The following LDHAL6A variants were observed in gnomAD, a reference collection of about 807,000 sequenced individuals.
LDHAL6A encodes the protein lactate dehydrogenase A like 6A, also known as L-lactate dehydrogenase A-like 6A.
LDHAL6A carries 19 observed loss-of-function variants against 28.2 expected under a neutral mutation model. That is an observed-to-expected ratio of 0.67 (90% CI 0.47 to 0.99). The LOEUF (loss-of-function observed/expected upper bound fraction) is 0.99. LDHAL6A is among the 50% of genes least tolerant of loss of function. The pLI, the probability that LDHAL6A is intolerant of heterozygous loss-of-function variation, is 0.00. For synonymous variants in LDHAL6A, 144 were observed against 134.4 expected (o/e 1.07, Z -0.49); for missense variants, 372 against 398.6 (o/e 0.93, Z 0.57).
chr11:18,475,690 A>G, intron 4 of LDHAL6A, 51 bp downstream of exon 4: 3 of 1,481,518 alleles, frequency 2.0e-6, no homozygotes, highest in Non-Finnish European at 2.7e-6. Context: ...CCTATCAATC[A>G]TACAGACATT....
Position 18,464,996 on chromosome 11 carries a change from TG to T in LDHAL6A, c.245-640del, listed in dbSNP as rs201901748. ...TTTTTTGTTTTTTTTTGTTTTGTTT[TG>T]TTTTGGTTTGTTTTTGAGACAGTGT... On this transcript the variant is annotated intron_variant, in intron 2 of 6. Transcript: ENST00000280706. Among the ~76,000 whole-genome samples, 204 of 143,618 alleles carry T rather than the reference TG, an allele frequency of 1.4e-3. 2 individuals carry two copies. Among genetic ancestry groups the T allele is most frequent in the Middle Eastern group, 3.6e-3 (1 of 274 alleles). The allele number at this position is 143,618 out of a possible 152,430, so 94.2% of individuals were successfully genotyped here.
intron 1 of LDHAL6A, among the ~76,000 whole-genome samples, chr11:18,463,552 C>T (rs908339524): frequency 4.6e-5 from 7 of 152,122 alleles, no homozygotes; most frequent in African/African-American, 1.2e-4. Context: ...TCCTCTGTGC[C>T]AGGTGGATGA....
chr11:18,468,024 CGTATATATATAT>C (rs1849156601), intron 3 of LDHAL6A, among the ~76,000 whole-genome samples: 4 of 58,226 alleles, frequency 6.9e-5, no homozygotes, highest in African/African-American at 3.4e-4. Context: ...CATATATATA[CGTATATATATAT>C]ACATATATAT....
chr11:18,462,955 GT>G (rs36036511), intron 1 of LDHAL6A, among the ~76,000 whole-genome samples: 116,820 of 147,946 alleles, frequency 0.79, 46,175 homozygotes, highest in East Asian at 0.91. Flanking sequence ...TATTTCTAGT[GT>G]TTTTTTTTTT....
rs1849135868 is a variant in LDHAL6A, at chr11:18,467,956, CGTATATATAT to C, written c.418+2147_418+2156del. On this transcript the variant is annotated intron_variant, in intron 3 of 6. Coordinates refer to ENST00000280706, the MANE Select transcript of LDHAL6A (RefSeq NM_144972.5). ...ATATATACACACACATATATATATA[CGTATATATAT>C]ACGTATATATATACGTATATATATG... 7.9e-4 allele frequency among the ~76,000 whole-genome samples: 15 copies of C among 19,058 alleles called. No homozygotes were observed. In the East Asian group the frequency reaches 0.014, roughly 17 times the overall value. The allele number at this position is 19,058 out of a possible 152,430, so 12.5% of individuals were successfully genotyped here. A position where few individuals can be genotyped will look rare whatever the true frequency, so the allele number is the denominator to read the frequency against.
At chr11:18,477,490 T>G (rs917679851) in intron 5 of LDHAL6A, 130 bp from the exon 6 acceptor site, 4 of 793,722 alleles carry the variant, frequency 5.0e-6, no homozygotes, top group East Asian at 2.9e-5. Context: ...GCATACATAC[T>G]ACAAGTAATT....
rs534923331 is a variant in LDHAL6A at position 18,465,210 on chromosome 11, G to C, written c.245-427G>C. Among the ~76,000 whole-genome samples the C allele has an allele frequency of 1.2e-3, 181 of 151,716 alleles. 1 individual carries two copies. Among genetic ancestry groups the C allele is most frequent in the Non-Finnish European group, 2.0e-3 (137 of 67,890 alleles). On this transcript the variant is annotated intron_variant, in intron 2 of 6. Transcript: ENST00000280706. ...TGTCGTGGTGTGATCTTGGCTCACT[G>C]CCTCCATGTTCAAGTGATTCTCCTG...
At chr11:18,474,577 G>A (rs1033768230) in intron 3 of LDHAL6A, among the ~76,000 whole-genome samples, 4 of 151,982 alleles carry the variant, frequency 2.6e-5, no homozygotes, top group African/African-American at 9.7e-5. Flanking sequence ...AATAGAGACG[G>A]GGTTTCAGCA....
At chr11:18,461,654 G>A (rs1421245014) in intron 1 of LDHAL6A, among the ~76,000 whole-genome samples, 1 of 151,562 alleles carries the variant, frequency 6.6e-6, no homozygotes, top group African/African-American at 2.4e-5. Flanking sequence ...TTTGAGACCA[G>A]CCTGGCCAAC....
At chr11:18,467,577 G>C (rs1396796015) in intron 3 of LDHAL6A, among the ~76,000 whole-genome samples, 3 of 151,580 alleles carry the variant, frequency 2.0e-5, no homozygotes. Context: ...GATTATTTTG[G>C]GTCAGGCGTG....
At chr11:18,458,217 G>A (rs545053772) in intron 1 of LDHAL6A, among the ~76,000 whole-genome samples, 1 of 152,276 alleles carries the variant, frequency 6.6e-6, no homozygotes, top group South Asian at 2.1e-4. Context: ...ATCCATGATG[G>A]GAGGTCCTAG....
intron 3 of LDHAL6A, among the ~76,000 whole-genome samples, chr11:18,474,225 TCC>T (rs1849313916): frequency 6.7e-6 from 1 of 149,338 alleles, no homozygotes; most frequent in Non-Finnish European, 1.5e-5. Context: ...ATTACAGGTG[TCC>T]ACCACCACGC....
intron 1 of LDHAL6A, among the ~76,000 whole-genome samples, chr11:18,463,649 C>G (rs1436577951): frequency 1.9e-4 from 29 of 152,208 alleles, no homozygotes; most frequent in Admixed American, 1.9e-3. Flanking sequence ...AGCAGAAGCA[C>G]TACTTTATCA....
At chr11:18,477,591 C>CTTA (rs1209996272) in intron 5 of LDHAL6A, 29 bp from the exon 6 acceptor site, 1 of 1,570,486 alleles carries the variant, frequency 6.4e-7, no homozygotes, top group Non-Finnish European at 8.6e-7. Context: ...TGCATCTTAA[C>CTTA]TTATGTTTAT....
In LDHAL6A at chr11:18,456,356, T is replaced by G; in HGVS notation, c.-325T>G. 4.0e-6 allele frequency: 1 copy of G among 247,118 alleles called. No homozygotes were observed. Among genetic ancestry groups the G allele is most frequent in the Non-Finnish European group, 7.8e-6 (1 of 128,386 alleles). 15.3% of individuals were successfully genotyped at this position (247,118 alleles called of 1,614,324 possible). ...AAAGGGGGTCAGCTGCGGGACGGAG[T>G]GCCGTCCCAGCTGTAGTTTCATGTT... On this transcript the variant is annotated 5_prime_UTR_variant, in exon 1 of 7. Coordinates refer to ENST00000280706, the MANE Select transcript of LDHAL6A (RefSeq NM_144972.5).
In LDHAL6A at chr11:18,467,980, CGT is replaced by C. The variant is rs1491417205; in HGVS notation, c.418+2171_418+2172del. ...ACGTATATATATACGTATATATATACGTATATATATGCATATATATACGTATA... is the reference window on the plus strand; with the variant it reads ...ACGTATATATATACGTATATATATACATATATATGCATATATATACGTATA... On this transcript the variant is annotated intron_variant, in intron 3 of 6. Transcript: ENST00000280706. Among the ~76,000 whole-genome samples, 150 of 47,828 alleles carry C rather than the reference CGT, an allele frequency of 3.1e-3. 6 individuals are homozygous for C. The highest frequency in any genetic ancestry group is 0.016 in the African/African-American group (118 of 7,158). The allele number at this position is 47,828 out of a possible 152,430, so 31.4% of individuals were successfully genotyped here.
intron 6 of LDHAL6A, among the ~76,000 whole-genome samples, chr11:18,478,413 G>T (rs189935012): frequency 1.3e-5 from 2 of 151,984 alleles, no homozygotes; most frequent in Admixed American, 1.3e-4. Flanking sequence ...GTTTTCTGTC[G>T]GCCGGGCGTG....
At chr11:18,460,834 C>A (rs1167868951) in intron 1 of LDHAL6A, among the ~76,000 whole-genome samples, 3 of 152,068 alleles carry the variant, frequency 2.0e-5, no homozygotes, top group Admixed American at 6.6e-5. Context: ...TTGGTTATTT[C>A]TTTCCTTTTC....
intron 3 of LDHAL6A, among the ~76,000 whole-genome samples, chr11:18,471,090 T>C (rs963325344): frequency 5.9e-5 from 9 of 152,190 alleles, no homozygotes; most frequent in African/African-American, 1.7e-4. Flanking sequence ...AATGTGAAAT[T>C]TTAAAAATTA....
Sources: allele counts gnomAD v4.1 joint callset (sites outside exome capture counted in the v4.1 genomes callset), GRCh38; gene constraint gnomAD v4.1.1; transcripts MANE v1.5; gene names NCBI Gene and HGNC (gene_info 2026-07-23, HGNC 2026-07-21).